COLEC11: variants seen among roughly 807,000 people sequenced by gnomAD.
The protein encoded by COLEC11 is collectin subfamily member 11.
A neutral mutation model predicts 27.3 loss-of-function variants in COLEC11; 20 were observed. That is an observed-to-expected ratio of 0.73 (90% CI 0.51 to 1.06). The LOEUF (loss-of-function observed/expected upper bound fraction) is 1.06, where lower values mean the gene tolerates loss of function less well. Ranked by LOEUF, COLEC11 falls within the 50% of genes least tolerant of loss-of-function variation. The pLI is 0.00. For synonymous variants in COLEC11, 163 were observed against 154.7 expected (o/e 1.05, Z -0.40); for missense variants, 310 against 383.0 (o/e 0.81, Z 1.59).
chr2:3,614,363 AATT>A (rs1446304227), intron 3 of COLEC11, among the ~76,000 whole-genome samples: 2 of 152,176 alleles, frequency 1.3e-5, no homozygotes, highest in African/African-American at 2.4e-5. Context: ...AATTAAAAAA[AATT>A]ATTATAACAA....
At position 3,595,369 on chromosome 2, in the gene COLEC11, C is replaced by T. The variant is rs867040779; in HGVS notation, c.-27+201C>T. Among the ~76,000 whole-genome samples, 20 of 152,304 alleles carry T rather than the reference C, an allele frequency of 1.3e-4. No individual in the cohort carries two copies. In the Middle Eastern group the frequency reaches 0.017, roughly 130 times the overall value. On this transcript the variant is annotated intron_variant, in intron 1 of 6. Transcript: ENST00000349077. ...GTTCCAAAGTTTGATTAGTTCATGGCGGAAATTCGTGGAGCCTATTGATGA... is the reference window on the plus strand; with the variant it reads ...GTTCCAAAGTTTGATTAGTTCATGGTGGAAATTCGTGGAGCCTATTGATGA...
intron 3 of COLEC11, among the ~76,000 whole-genome samples, chr2:3,616,998 T>A (rs1663805777): frequency 6.6e-6 from 1 of 152,220 alleles, no homozygotes; most frequent in African/African-American, 2.4e-5. Flanking sequence ...TGTTTTTATG[T>A]GATGGCTGTT....
chr2:3,606,047 T>G (rs569265540), intron 2 of COLEC11: 4 of 1,546,118 alleles, frequency 2.6e-6, no homozygotes, highest in African/African-American at 2.7e-5. Flanking sequence ...TGCCTACGGC[T>G]CTCTCAGAAG....
At position 3,644,226 on chromosome 2, in the gene COLEC11, T is replaced by C. The variant is rs2147977002; in HGVS notation, c.*108T>C. On this transcript the variant is annotated 3_prime_UTR_variant, in exon 7 of 7. Coordinates refer to ENST00000349077, the MANE Select transcript of COLEC11 (RefSeq NM_024027.5). ...CAGGGAGCTGTCCCTCTGTGAAGGG[T>C]GGAGGCTCACTGAGTAGAGGGCTGT... 1 of 1,407,206 alleles carries C rather than the reference T, an allele frequency of 7.1e-7. No individual in the cohort carries two copies. The highest frequency in any genetic ancestry group is 9.9e-7 in the Non-Finnish European group (1 of 1,011,256). 87.2% of individuals were successfully genotyped at this position (1,407,206 alleles called of 1,614,324 possible).
chr2:3,637,412 C>G, intron 3 of COLEC11, 121 bp from the exon 4 acceptor site: 1 of 768,096 alleles, frequency 1.3e-6, no homozygotes, highest in Non-Finnish European at 2.4e-6. Context: ...CTTTCTTAGT[C>G]TCTTCTATGT....
At chr2:3,617,439 A>G in intron 3 of COLEC11, 1 of 1,185,828 alleles carries the variant, frequency 8.4e-7, no homozygotes, top group Non-Finnish European at 1.3e-6. Context: ...ACAGTCATTT[A>G]AACTTGATCC....
chr2:3,637,719 G>T (rs569237390), intron 4 of COLEC11, 115 bp downstream of exon 4: 2 of 868,006 alleles, frequency 2.3e-6, no homozygotes, highest in African/African-American at 1.7e-5. Context: ...ATTTATATTC[G>T]GTGCATGGTA....
chr2:3,605,682 G>C, intron 2 of COLEC11: 1 of 199,362 alleles, frequency 5.0e-6, no homozygotes, highest in South Asian at 8.0e-5. Flanking sequence ...TGGGCCTTCA[G>C]CTTCTCCTGT....
At chr2:3,599,787 G>A (rs899700526) in intron 1 of COLEC11, among the ~76,000 whole-genome samples, 20 of 152,218 alleles carry the variant, frequency 1.3e-4, no homozygotes, top group African/African-American at 4.1e-4. Context: ...TCATGAGGGT[G>A]AGCTCCACGC....
chr2:3,598,039 G>A (rs964719084), intron 1 of COLEC11, among the ~76,000 whole-genome samples: 1 of 152,024 alleles, frequency 6.6e-6, no homozygotes. Flanking sequence ...GGGTTCAAGC[G>A]ATTCTCCTGC....
At chr2:3,616,451 C>T (rs113485934) in intron 3 of COLEC11, among the ~76,000 whole-genome samples, 2,303 of 152,314 alleles carry the variant, frequency 0.015, 22 homozygotes, top group Middle Eastern at 0.037. Context: ...CACGCCACTG[C>T]ACTCCAGCCT....
chr2:3,607,887 G>A lies in COLEC11; in HGVS notation c.130+3417G>A, dbSNP rs549408094. ...CGGCCTGTCTGTGCCGTCTCCCCTT[G>A]TGTAGAACAAGCCAGGCAGGCTGAG... On this transcript the variant is annotated intron_variant, in intron 2 of 6. Transcript: ENST00000349077. Among the ~76,000 whole-genome samples the A allele has an allele frequency of 3.9e-5, 6 of 152,342 alleles. No individual in the cohort carries two copies. In the East Asian group the frequency reaches 1.2e-3, roughly 29 times the overall value.
intron 3 of COLEC11, among the ~76,000 whole-genome samples, chr2:3,613,980 C>CTTTTTTTTT (rs57071680): frequency 3.8e-5 from 5 of 131,132 alleles, no homozygotes; most frequent in East Asian, 2.2e-4. Flanking sequence ...TTCTTTCTTT[C>CTTTTTTTTT]TTTTTTTTTT....
intron 2 of COLEC11, among the ~76,000 whole-genome samples, chr2:3,611,749 CTCTT>C (rs764093422): frequency 5.9e-5 from 9 of 152,028 alleles, no homozygotes; most frequent in Admixed American, 2.0e-4. Flanking sequence ...CTGTGCTTTT[CTCTT>C]TGTTACTTGG....
intron 1 of COLEC11, 43 bp from the exon 2 acceptor site, chr2:3,604,272 G>A (rs778378305): frequency 1.2e-6 from 2 of 1,608,438 alleles, no homozygotes; most frequent in African/African-American, 1.3e-5. Context: ...TGGCTGCCCG[G>A]CTGTTGCAGT....
Position 3,625,888 on chromosome 2 carries a change from C to T in COLEC11, c.203-11645C>T, listed in dbSNP as rs980153681. On this transcript the variant is annotated intron_variant, in intron 3 of 6. Transcript: ENST00000349077. ...CCTCAAGAGATCCGCCTACCTTGGC[C>T]TCCCAAAGTGCCGGGATTATAGGCA... The T allele has an allele frequency of 5.8e-6, 5 of 865,438 alleles. No individual in the cohort carries two copies. The African/African-American group carries it at 8.2e-5, about 14-fold the overall frequency. The allele number at this position is 865,438 out of a possible 1,614,324, so 53.6% of individuals were successfully genotyped here.
chr2:3,599,374 G>A (rs771999808), intron 1 of COLEC11, among the ~76,000 whole-genome samples: 3 of 152,158 alleles, frequency 2.0e-5, no homozygotes, highest in Non-Finnish European at 2.9e-5. Flanking sequence ...CCCATTCTGC[G>A]GGAGAATTGA....
intron 3 of COLEC11, among the ~76,000 whole-genome samples, chr2:3,631,282 A>T (rs1403693406): frequency 2.0e-5 from 3 of 152,210 alleles, no homozygotes; most frequent in Non-Finnish European, 2.9e-5. Flanking sequence ...TCTTCAAAGA[A>T]TTTTAACAGT....
At chr2:3,638,886 A>G (rs560108883) in intron 4 of COLEC11, among the ~76,000 whole-genome samples, 1 of 152,352 alleles carries the variant, frequency 6.6e-6, no homozygotes, top group Non-Finnish European at 1.5e-5. Context: ...GTACATTTGC[A>G]ATGGTGTACA....
Sources: gnomAD v4.1 joint callset for allele counts (sites outside exome capture counted in the v4.1 genomes callset) on GRCh38, gnomAD v4.1.1 for gene constraint, MANE v1.5 for transcripts, NCBI Gene and HGNC (gene_info 2026-07-23, HGNC 2026-07-21) for gene names.